Variants in PABPC4L observed in about 807,000 individuals in gnomAD.
PABPC4L encodes the protein poly(A) binding protein cytoplasmic 4 like.
For missense variants in PABPC4L, 452 were observed against 451.4 expected, an observed-to-expected ratio of 1.00 and a Z score of -0.01; for synonymous variants, 169 against 164.1, an observed-to-expected ratio of 1.03 and a Z score of -0.23.
chr4:134,117,685 T>C, the PABPC4L span, among the ~76,000 whole-genome samples: 1 of 151,758 alleles, frequency 6.6e-6, no homozygotes, highest in African/African-American at 2.4e-5. Flanking sequence ...CAAGCATGAA[T>C]GGTTTCTCTC....
chr4:134,076,037 G>A, the PABPC4L span, among the ~76,000 whole-genome samples: 1 of 151,454 alleles, frequency 6.6e-6, no homozygotes, highest in African/African-American at 2.4e-5. Context: ...GAGAAGTGAG[G>A]AATGAGGAGC....
At chr4:134,002,547 TG>T in the PABPC4L span, among the ~76,000 whole-genome samples, 2 of 151,988 alleles carry the variant, frequency 1.3e-5, no homozygotes, top group East Asian at 1.9e-4. Context: ...ATTGTTGTTT[TG>T]TTTTTTATGT....
the PABPC4L span, among the ~76,000 whole-genome samples, chr4:134,113,608 C>A: frequency 6.6e-6 from 1 of 151,824 alleles, no homozygotes; most frequent in Non-Finnish European, 1.5e-5. Context: ...TTTCTCACAA[C>A]CTATCCCCAC....
At chr4:133,971,265 C>G in the PABPC4L span, among the ~76,000 whole-genome samples, 1 of 151,934 alleles carries the variant, frequency 6.6e-6, no homozygotes, top group South Asian at 2.1e-4. Context: ...GGGCCCGCCA[C>G]CACGCCCGGC....
At chr4:134,187,140 C>A in the PABPC4L span, among the ~76,000 whole-genome samples, 2 of 152,018 alleles carry the variant, frequency 1.3e-5, no homozygotes, top group African/African-American at 4.8e-5. Flanking sequence ...TGTGGCAATT[C>A]CTCAAGGATC....
the PABPC4L span, among the ~76,000 whole-genome samples, chr4:134,174,061 A>G: frequency 1.3e-5 from 2 of 152,038 alleles, no homozygotes; most frequent in African/African-American, 4.8e-5. Flanking sequence ...TTCTTTTTAA[A>G]AACATTTTAT....
the PABPC4L span, among the ~76,000 whole-genome samples, chr4:134,086,448 C>A: frequency 6.6e-6 from 1 of 152,130 alleles, no homozygotes; most frequent in African/African-American, 2.4e-5. Flanking sequence ...GTCTGGACCA[C>A]AGGGATGGTC....
intron 1 of PABPC4L, among the ~76,000 whole-genome samples, 172 bp downstream of exon 1, chr4:134,201,546 C>T (rs1729888853): frequency 6.6e-6 from 1 of 152,050 alleles, no homozygotes; most frequent in Non-Finnish European, 1.5e-5. Context: ...GCCGCCGAGG[C>T]GCTGCCGGCA....
At chr4:134,086,302 G>A in the PABPC4L span, among the ~76,000 whole-genome samples, 1 of 151,862 alleles carries the variant, frequency 6.6e-6, no homozygotes, top group Non-Finnish European at 1.5e-5. Flanking sequence ...CCAGTTCTGA[G>A]TTGTCAATGT....
At chr4:134,042,486 T>C in the PABPC4L span, among the ~76,000 whole-genome samples, 4 of 152,236 alleles carry the variant, frequency 2.6e-5, no homozygotes, top group Non-Finnish European at 5.9e-5. Flanking sequence ...TTTATAATTA[T>C]GTTTCGTTCT....
chr4:134,131,369 C>A, the PABPC4L span, among the ~76,000 whole-genome samples: 1 of 151,956 alleles, frequency 6.6e-6, no homozygotes, highest in South Asian at 2.1e-4. Context: ...AATTAATGTA[C>A]CCAAATTAGT....
the PABPC4L span, among the ~76,000 whole-genome samples, chr4:134,037,107 T>G: frequency 1.3e-5 from 2 of 151,984 alleles, no homozygotes; most frequent in Non-Finnish European, 2.9e-5. Flanking sequence ...ATTATTTTCG[T>G]ATAGGATTGC....
At chr4:134,073,151 A>G in the PABPC4L span, among the ~76,000 whole-genome samples, 4 of 152,152 alleles carry the variant, frequency 2.6e-5, no homozygotes, top group Non-Finnish European at 5.9e-5. Context: ...GTCCCATATA[A>G]GACAAGGCAA....
the PABPC4L span, among the ~76,000 whole-genome samples, chr4:133,979,617 A>G: frequency 3.3e-5 from 5 of 152,144 alleles, no homozygotes; most frequent in Non-Finnish European, 5.9e-5. Flanking sequence ...GCCTGAAATT[A>G]TCACTTTAAG....
At chr4:133,980,546 G>A in the PABPC4L span, among the ~76,000 whole-genome samples, 426 of 152,218 alleles carry the variant, frequency 2.8e-3, 1 homozygote, top group Non-Finnish European at 4.2e-3. Context: ...ACACACACAC[G>A]AGACAGGGAA....
At chr4:134,178,315 C>T in the PABPC4L span, among the ~76,000 whole-genome samples, 17 of 140,066 alleles carry the variant, frequency 1.2e-4, no homozygotes, top group Admixed American at 1.0e-3. Context: ...GTAAACCAAA[C>T]ACACCATATA....
chr4:134,011,446 A>T, the PABPC4L span, among the ~76,000 whole-genome samples: 30 of 152,272 alleles, frequency 2.0e-4, 1 homozygote, highest in East Asian at 5.8e-3. Context: ...TTGCTTTGGA[A>T]CTTAATGCAG....
At chr4:134,155,942 C>A in the PABPC4L span, among the ~76,000 whole-genome samples, 1 of 151,902 alleles carries the variant, frequency 6.6e-6, no homozygotes, top group African/African-American at 2.4e-5. Flanking sequence ...TACCCTTTAG[C>A]AGAAATGTTG....
chr4:134,068,092 A>T, the PABPC4L span, among the ~76,000 whole-genome samples: 18 of 152,180 alleles, frequency 1.2e-4, no homozygotes, highest in South Asian at 2.9e-3. Context: ...TTCTGTTTTG[A>T]TGATCTTTCT....
Sources: gnomAD v4.1 joint callset for allele counts (sites outside exome capture counted in the v4.1 genomes callset) on GRCh38, gnomAD v4.1.1 for gene constraint, MANE v1.5 for transcripts, NCBI Gene and HGNC (gene_info 2026-07-23, HGNC 2026-07-21) for gene names.